LARGE1: variants seen among roughly 807,000 people sequenced by gnomAD.
LARGE1 encodes xylosyl- and glucuronyltransferase LARGE1.
A neutral mutation model predicts 87.6 loss-of-function variants in LARGE1; 43 were observed. The ratio of observed to expected loss-of-function variants is 0.49; its 90% confidence interval spans 0.38 to 0.63. LARGE1 has a LOEUF of 0.63. LARGE1 is among the 30% of genes least tolerant of loss of function. LARGE1 has a pLI of 0.00. For missense variants in LARGE1, 802 were observed against 1,000.2 expected (o/e 0.80, Z 2.67); for synonymous variants, 434 against 394.6 (o/e 1.10, Z -1.18).
chr22:33,894,639 G>T (rs2065085827), intron 1 of LARGE1, among the ~76,000 whole-genome samples: 1 of 152,056 alleles, frequency 6.6e-6, no homozygotes, highest in Non-Finnish European at 1.5e-5. Context: ...CAAGGCAGTG[G>T]CCCCAGGCAA....
chr22:33,454,634 AAG>A (rs1491502847), intron 6 of LARGE1, among the ~76,000 whole-genome samples: 3,019 of 148,134 alleles, frequency 0.02, 79 homozygotes, highest in African/African-American at 0.064. Flanking sequence ...AAAAAAAAAA[AAG>A]AAGAAGAAGA....
intron 2 of LARGE1, among the ~76,000 whole-genome samples, chr22:33,706,685 C>G (rs961704950): frequency 6.6e-6 from 1 of 152,220 alleles, no homozygotes; most frequent in Non-Finnish European, 1.5e-5. Flanking sequence ...ACAGAAGATA[C>G]CTGGGCCTCA....
intron 2 of LARGE1, among the ~76,000 whole-genome samples, chr22:33,712,929 G>A (rs986677434): frequency 1.3e-5 from 2 of 152,062 alleles, no homozygotes; most frequent in African/African-American, 4.8e-5. Context: ...TCAACGGTGA[G>A]GACGACAGCT....
intron 6 of LARGE1, among the ~76,000 whole-genome samples, chr22:33,551,101 A>T (rs2077510950): frequency 6.6e-6 from 1 of 152,212 alleles, no homozygotes; most frequent in African/African-American, 2.4e-5. Context: ...TATAATGTGC[A>T]TTATTCGTAT....
chr22:33,292,390 G>A (rs1602269533), intron 12 of LARGE1, among the ~76,000 whole-genome samples: 1 of 151,814 alleles, frequency 6.6e-6, no homozygotes, highest in East Asian at 1.9e-4. Flanking sequence ...TTTAAACAGG[G>A]ACAAAGGATT....
chr22:33,295,507 G>A (rs1257519320), intron 12 of LARGE1, among the ~76,000 whole-genome samples: 2 of 152,204 alleles, frequency 1.3e-5, no homozygotes, highest in Admixed American at 6.5e-5. Context: ...TCATGTGAAT[G>A]ACACCTGAGG....
chr22:33,255,127 G>A (rs1237801294), intron 11 of LARGE1, among the ~76,000 whole-genome samples: 6 of 151,956 alleles, frequency 3.9e-5, no homozygotes, highest in Non-Finnish European at 5.9e-5. Context: ...CCGCAGAGAC[G>A]GGGTTTCACC....
At chr22:33,398,351 G>C (rs1302716648) in intron 7 of LARGE1, among the ~76,000 whole-genome samples, 1 of 151,788 alleles carries the variant, frequency 6.6e-6, no homozygotes, top group Non-Finnish European at 1.5e-5. Flanking sequence ...TAAAAAAAAA[G>C]GTCAAGGATC....
Position 33,532,833 on chromosome 22 carries a change from C to T in LARGE1, c.787+32015G>A, listed in dbSNP as rs1031763541. Reference sequence around the variant, plus strand: ...GAGTGCCAAGTAGTGTTAGGCGCAACGGCCCTGGAACCTGCTCATCGATGA... The same window carrying T: ...GAGTGCCAAGTAGTGTTAGGCGCAATGGCCCTGGAACCTGCTCATCGATGA... On this transcript the variant is annotated intron_variant, in intron 6 of 14. Coordinates refer to ENST00000397394, the MANE Select transcript of LARGE1 (RefSeq NM_133642.5). Among the ~76,000 whole-genome samples, 5 of 152,166 alleles carry T rather than the reference C, an allele frequency of 3.3e-5. No homozygotes were observed. In the East Asian group the frequency reaches 7.7e-4, roughly 23 times the overall value.
chr22:33,664,642 G>A (rs189700450), intron 2 of LARGE1, among the ~76,000 whole-genome samples: 6 of 152,252 alleles, frequency 3.9e-5, no homozygotes, highest in Middle Eastern at 3.4e-3. Context: ...CAGTGTGGGC[G>A]GATCACAAGG....
chr22:33,633,819 C>T (rs928337465), intron 3 of LARGE1, among the ~76,000 whole-genome samples: 31 of 152,222 alleles, frequency 2.0e-4, no homozygotes, highest in African/African-American at 7.5e-4. Flanking sequence ...AGGACAGATG[C>T]TCTGACAGCT....
intron 1 of LARGE1, among the ~76,000 whole-genome samples, chr22:33,844,999 TG>T (rs1296574120): frequency 6.6e-6 from 1 of 152,002 alleles, no homozygotes; most frequent in Non-Finnish European, 1.5e-5. Flanking sequence ...ATTACAGACG[TG>T]AGCTACCGCG....
Position 33,304,476 on chromosome 22 carries a change from A to G in LARGE1, c.1483T>C (p.Trp495Arg), listed in dbSNP as rs267607209. 1.2e-6 allele frequency: 2 copies of G among 1,609,284 alleles called. No homozygotes were observed. Among genetic ancestry groups the G allele is most frequent in the Non-Finnish European group, 1.7e-6 (2 of 1,177,590 alleles). Residue 495 changes from tryptophan (W) to arginine (R), a missense_variant, in exon 12 of 15, where the codon TGG becomes CGG. Physicochemically the swap from Trp to Arg is moderately radical, Grantham distance 101. Coordinates refer to ENST00000397394, the MANE Select transcript of LARGE1 (RefSeq NM_133642.5). ...AGGGCCAGGCTGATGGGCCCCTCCC[A>G]GTGCTTGCAGATGGCCTCCAGCATC... ...LQMLEAICKHWEGPISLALYL... is the reference protein window; with the variant it reads ...LQMLEAICKHREGPISLALYL...
intron 6 of LARGE1, among the ~76,000 whole-genome samples, chr22:33,471,963 T>C (rs145194570): frequency 0.02 from 3,073 of 152,074 alleles, 97 homozygotes; most frequent in African/African-American, 0.07. Context: ...GGCAGGAGAA[T>C]TGTTTGAACC....
intron 1 of LARGE1, among the ~76,000 whole-genome samples, chr22:33,881,711 C>A (rs1047750425): frequency 6.6e-6 from 1 of 152,212 alleles, no homozygotes; most frequent in African/African-American, 2.4e-5. Flanking sequence ...AAAAGACCCA[C>A]CTACAGAGTA....
the LARGE1 span, among the ~76,000 whole-genome samples, chr22:33,142,372 G>A: frequency 7.1e-4 from 108 of 152,166 alleles, no homozygotes; most frequent in Admixed American, 1.0e-3. Flanking sequence ...TAAATTTCTC[G>A]TGGGTCTATT....
At chr22:33,558,583 T>G (rs137868371) in intron 6 of LARGE1, among the ~76,000 whole-genome samples, 231 of 152,284 alleles carry the variant, frequency 1.5e-3, no homozygotes, top group African/African-American at 5.3e-3. Flanking sequence ...GCTGATAAAG[T>G]AGACCAGCAG....
At chr22:33,800,584 G>C (rs1218625381) in intron 1 of LARGE1, among the ~76,000 whole-genome samples, 1 of 152,128 alleles carries the variant, frequency 6.6e-6, no homozygotes, top group Non-Finnish European at 1.5e-5. Context: ...GGCAACCACT[G>C]ATCTTTTCCT....
intron 2 of LARGE1, chr22:33,724,120 A>G: frequency 6.5e-6 from 1 of 153,278 alleles, no homozygotes; most frequent in Non-Finnish European, 1.5e-5. Context: ...TGAGAGTGAC[A>G]GAGGCCAGCA....
Sources: gnomAD v4.1 joint callset for allele counts (sites outside exome capture counted in the v4.1 genomes callset) on GRCh38, gnomAD v4.1.1 for gene constraint, MANE v1.5 for transcripts, NCBI Gene and HGNC (gene_info 2026-07-23, HGNC 2026-07-21) for gene names.